NANS: variants seen among roughly 807,000 people sequenced by gnomAD.
NANS encodes the protein N-acetylneuraminate synthase, also known as N-acetylneuraminate-9-phosphate synthase.
In NANS, 29 loss-of-function variants were observed where a neutral mutation model predicts 33.3. The observed-to-expected ratio is 0.87, with a 90% confidence interval of 0.65 to 1.19. The LOEUF (loss-of-function observed/expected upper bound fraction) is 1.19. Among genes scored for constraint, NANS ranks in the 50% most tolerant of loss-of-function variants. NANS has a pLI of 0.00. For missense variants in NANS, 394 were observed against 461.1 expected, an observed-to-expected ratio of 0.85 and a Z score of 1.33; for synonymous variants, 163 against 177.2, an observed-to-expected ratio of 0.92 and a Z score of 0.64.
intron 1 of NANS, 96 bp downstream of exon 1, chr9:98,057,036 A>G: frequency 1.4e-6 from 2 of 1,410,084 alleles, no homozygotes; most frequent in Non-Finnish European, 1.9e-6. Flanking sequence ...GCGGCTGGGT[A>G]CCCTGGTCCG....
At chr9:98,057,722 G>A (rs1828866563) in intron 1 of NANS, among the ~76,000 whole-genome samples, 1 of 151,906 alleles carries the variant, frequency 6.6e-6, no homozygotes, top group South Asian at 2.1e-4. Flanking sequence ...ATAAGGCCTG[G>A]CCTGCACTAT....
chr9:98,076,680 T>G (rs1229775789), intron 2 of NANS: 1 of 471,492 alleles, frequency 2.1e-6, no homozygotes, highest in Non-Finnish European at 3.7e-6. Flanking sequence ...TCCAGATTCC[T>G]GTAGCCAGCA....
intron 2 of NANS, 84 bp downstream of exon 2, chr9:98,061,081 C>T (rs1564155584): frequency 5.5e-6 from 7 of 1,283,402 alleles, no homozygotes; most frequent in Non-Finnish European, 7.8e-6. Context: ...CTTAGGGCCA[C>T]CTCCAGCCCT....
At chr9:98,078,464 A>T in intron 4 of NANS, 117 bp downstream of exon 4, 2 of 1,306,830 alleles carry the variant, frequency 1.5e-6, no homozygotes, top group Non-Finnish European at 2.1e-6. Context: ...ACATCCTTTG[A>T]CAGTCTTGCT....
chr9:98,079,645 C>T (rs542428362), intron 4 of NANS, among the ~76,000 whole-genome samples: 16 of 152,308 alleles, frequency 1.1e-4, no homozygotes, highest in Non-Finnish European at 2.1e-4. Flanking sequence ...CCCCTGCACT[C>T]CCATCCCACA....
At chr9:98,066,850 C>A (rs1484379433) in intron 2 of NANS, among the ~76,000 whole-genome samples, 1 of 152,094 alleles carries the variant, frequency 6.6e-6, no homozygotes, top group Non-Finnish European at 1.5e-5. Context: ...AGGGTTTCAC[C>A]ATGTTGACCA....
intron 2 of NANS, among the ~76,000 whole-genome samples, chr9:98,070,663 G>A (rs535804604): frequency 6.6e-5 from 10 of 151,924 alleles, no homozygotes; most frequent in African/African-American, 2.2e-4. Flanking sequence ...CAGGTGATCC[G>A]CCCACCTTGT....
chr9:98,076,621 C>G (rs1370409850), intron 2 of NANS: 4 of 323,430 alleles, frequency 1.2e-5, no homozygotes, highest in Non-Finnish European at 2.3e-5. Context: ...GTGATCTGCC[C>G]GCCTCGGCCT....
chr9:98,070,412 C>T (rs1829288825), intron 2 of NANS, among the ~76,000 whole-genome samples: 1 of 151,796 alleles, frequency 6.6e-6, no homozygotes, highest in African/African-American at 2.4e-5. Context: ...GCCACCGTGC[C>T]CAGCTTTCAT....
chr9:98,070,976 T>C (rs1195799191), intron 2 of NANS, among the ~76,000 whole-genome samples: 2 of 151,768 alleles, frequency 1.3e-5, no homozygotes, highest in Non-Finnish European at 2.9e-5. Flanking sequence ...CACAACCAGC[T>C]AATTTCTAAA....
chr9:98,065,072 A>G (rs1272224467), intron 2 of NANS, among the ~76,000 whole-genome samples: 1 of 152,206 alleles, frequency 6.6e-6, no homozygotes, highest in Non-Finnish European at 1.5e-5. Context: ...AATTCAGTTC[A>G]AACTGGTGAC....
chr9:98,074,756 G>A (rs148092730), intron 2 of NANS: 1 of 151,940 alleles, frequency 6.6e-6, no homozygotes, highest in African/African-American at 2.4e-5. Context: ...CCCCTCTCTT[G>A]GGGGGGTTTC....
chr9:98,076,639 T>C, intron 2 of NANS: 1 of 376,638 alleles, frequency 2.7e-6, no homozygotes. Context: ...CCTCCCAAAG[T>C]GCAGGCATGA....
intron 2 of NANS, 195 bp from the exon 3 acceptor site, chr9:98,076,723 G>A: frequency 1.8e-6 from 1 of 561,292 alleles, no homozygotes; most frequent in Non-Finnish European, 3.1e-6. Flanking sequence ...TGGGCTAATG[G>A]ATGGGTGGAT....
At chr9:98,063,797 C>T (rs1384941636) in intron 2 of NANS, among the ~76,000 whole-genome samples, 1 of 152,162 alleles carries the variant, frequency 6.6e-6, no homozygotes, top group Non-Finnish European at 1.5e-5. Flanking sequence ...CCCATCTAGG[C>T]CTCCCAAAGT....
rs764577626 is a variant in NANS at position 98,060,775 on chromosome 9, GT to G, written c.133-5del. The stretch of plus-strand genomic sequence containing the variant: ...GTCACTGAAAGATGTCCTAATGTGT[GT>G]TGTAGGAGTGTGGGGCTGATTGTGC... On this transcript the variant is annotated splice_polypyrimidine_tract_variant and splice_region_variant and intron_variant, in intron 1 of 5. Transcript: ENST00000210444. 3.1e-6 allele frequency: 5 copies of G among 1,613,734 alleles called. No individual in the cohort carries two copies. Among genetic ancestry groups the G allele is most frequent in the Admixed American group, 3.3e-5 (2 of 60,024 alleles).
chr9:98,078,485 C>G, intron 4 of NANS, 138 bp downstream of exon 4: 4 of 1,169,336 alleles, frequency 3.4e-6, no homozygotes, highest in Non-Finnish European at 3.6e-6. Flanking sequence ...GTTACCAAAT[C>G]AAATTCGAGC....
chr9:98,059,314 C>T (rs541757940), intron 1 of NANS, among the ~76,000 whole-genome samples: 10 of 152,316 alleles, frequency 6.6e-5, no homozygotes, highest in African/African-American at 1.4e-4. Flanking sequence ...TGAGCCACTG[C>T]GCCCGGCAGC....
chr9:98,060,737 A>T, intron 1 of NANS, 45 bp from the exon 2 acceptor site: 7 of 1,581,580 alleles, frequency 4.4e-6, no homozygotes, highest in Admixed American at 1.7e-5. Context: ...CCTTTTTTTG[A>T]GAATCTACGA....
Sources: gnomAD v4.1 joint callset for allele counts (sites outside exome capture counted in the v4.1 genomes callset) on GRCh38, gnomAD v4.1.1 for gene constraint, MANE v1.5 for transcripts, NCBI Gene and HGNC (gene_info 2026-07-23, HGNC 2026-07-21) for gene names.